The following MDGA2 variants were observed in gnomAD, a reference collection of about 807,000 sequenced individuals.
MDGA2 encodes MAM domain-containing glycosylphosphatidylinositol anchor protein 2.
A neutral mutation model predicts 117.8 loss-of-function variants in MDGA2; 40 were observed. The ratio of observed to expected loss-of-function variants is 0.34; its 90% confidence interval spans 0.26 to 0.44. The LOEUF (loss-of-function observed/expected upper bound fraction) is 0.44, where lower values mean the gene tolerates loss of function less well. MDGA2 is among the 20% of genes least tolerant of loss of function. The pLI is 1.00. For synonymous variants in MDGA2, 452 were observed against 439.0 expected (o/e 1.03, Z -0.37); for missense variants, 1,123 against 1,250.6 (o/e 0.90, Z 1.54).
intron 3 of MDGA2, among the ~76,000 whole-genome samples, chr14:47,173,907 C>T (rs1388858716): frequency 6.6e-6 from 1 of 152,122 alleles, no homozygotes; most frequent in Non-Finnish European, 1.5e-5. Flanking sequence ...AAATCCAGCT[C>T]ATGCGCAGAG....
chr14:47,607,524 GA>G (rs1896763366), intron 1 of MDGA2, among the ~76,000 whole-genome samples: 2 of 152,076 alleles, frequency 1.3e-5, no homozygotes, highest in Admixed American at 6.6e-5. Context: ...TTTAAACTGG[GA>G]AATGGTTCAA....
intron 4 of MDGA2, 31 bp downstream of exon 4, chr14:47,144,047 T>C (rs2139201612): frequency 6.9e-7 from 1 of 1,454,634 alleles, no homozygotes; most frequent in East Asian, 2.5e-5. Flanking sequence ...CCTAGCAGAG[T>C]AGGGTGGAAA....
At chr14:47,359,603 T>G (rs1197331265) in intron 1 of MDGA2, among the ~76,000 whole-genome samples, 1 of 151,452 alleles carries the variant, frequency 6.6e-6, no homozygotes, top group Non-Finnish European at 1.5e-5. Context: ...AAGAATGAAT[T>G]TAAGAACTTT....
intron 1 of MDGA2, among the ~76,000 whole-genome samples, chr14:47,555,092 A>G (rs965581450): frequency 2.7e-4 from 41 of 152,268 alleles, no homozygotes; most frequent in African/African-American, 8.7e-4. Context: ...AACAAGAGAT[A>G]CAATTCCTAT....
intron 1 of MDGA2, among the ~76,000 whole-genome samples, chr14:47,470,608 T>A (rs1000896679): frequency 6.6e-6 from 1 of 152,182 alleles, no homozygotes; most frequent in African/African-American, 2.4e-5. Context: ...TAGAATGATT[T>A]ATAATCCTTT....
intron 9 of MDGA2, among the ~76,000 whole-genome samples, chr14:46,946,278 T>A (rs1326817274): frequency 6.6e-6 from 1 of 152,092 alleles, no homozygotes; most frequent in Non-Finnish European, 1.5e-5. Flanking sequence ...GTGAGCTCAA[T>A]ATGATATAAC....
At chr14:47,573,357 A>G (rs1594924686) in intron 1 of MDGA2, among the ~76,000 whole-genome samples, 1 of 152,208 alleles carries the variant, frequency 6.6e-6, no homozygotes. Flanking sequence ...GCTCTGAAAA[A>G]GTAGCTTGCT....
In MDGA2 at chr14:46,892,996, T is replaced by G. The variant is rs369657396; in HGVS notation, c.2239-10775A>C. Among the ~76,000 whole-genome samples the G allele has an allele frequency of 1.3e-3, 192 of 151,994 alleles. 2 individuals carry two copies. Among genetic ancestry groups the G allele is most frequent in the African/African-American group, 4.4e-3 (184 of 41,520 alleles). On this transcript the variant is annotated intron_variant, in intron 10 of 16. Coordinates refer to ENST00000399232, the MANE Select transcript of MDGA2 (RefSeq NM_001113498.3). ...AACTACCATATGACCCAGAAATCTC[T>G]TTTCTAGATACCTACCCAGAAGAAA...
intron 7 of MDGA2, among the ~76,000 whole-genome samples, chr14:47,060,981 A>T (rs1889861449): frequency 6.6e-6 from 1 of 152,044 alleles, no homozygotes; most frequent in Admixed American, 6.6e-5. Context: ...AAATACTAGT[A>T]TTATTTAACT....
At chr14:46,853,084 A>G (rs1881126670) in intron 15 of MDGA2, among the ~76,000 whole-genome samples, 1 of 152,000 alleles carries the variant, frequency 6.6e-6, no homozygotes, top group Admixed American at 6.6e-5. Context: ...TGGATTTCAT[A>G]TATTCAAAAT....
chr14:47,163,917 C>T (rs1302952872), intron 3 of MDGA2, among the ~76,000 whole-genome samples: 1 of 152,156 alleles, frequency 6.6e-6, no homozygotes, highest in Admixed American at 6.5e-5. Flanking sequence ...TTCAGCACAC[C>T]CTGGCTGCAA....
intron 15 of MDGA2, among the ~76,000 whole-genome samples, chr14:46,853,788 G>C (rs1881155689): frequency 6.6e-6 from 1 of 151,552 alleles, no homozygotes; most frequent in Non-Finnish European, 1.5e-5. Context: ...CAACTTTTTA[G>C]AAAAAAATTG....
chr14:47,229,321 G>C (rs1886610734), intron 2 of MDGA2, among the ~76,000 whole-genome samples: 1 of 152,080 alleles, frequency 6.6e-6, no homozygotes, highest in African/African-American at 2.4e-5. Context: ...TACCTCAAGA[G>C]AGAAGTCATG....
intron 1 of MDGA2, among the ~76,000 whole-genome samples, chr14:47,536,199 G>C (rs1344716110): frequency 6.6e-6 from 1 of 152,140 alleles, no homozygotes; most frequent in African/African-American, 2.4e-5. Flanking sequence ...AAGAATTAGG[G>C]TGGAAAATTC....
chr14:47,311,487 C>T (rs968849393), intron 1 of MDGA2, among the ~76,000 whole-genome samples: 9 of 151,856 alleles, frequency 5.9e-5, no homozygotes, highest in Non-Finnish European at 5.9e-5. Context: ...AGTTTCTTAG[C>T]CTGTCAAAAA....
intron 1 of MDGA2, among the ~76,000 whole-genome samples, chr14:47,495,810 T>A (rs1894270463): frequency 6.6e-6 from 1 of 152,238 alleles, no homozygotes; most frequent in Non-Finnish European, 1.5e-5. Flanking sequence ...TATTTCCAAG[T>A]TGCTTTTCAA....
intron 8 of MDGA2, among the ~76,000 whole-genome samples, chr14:46,984,734 A>G (rs150324763): frequency 2.6e-5 from 4 of 152,154 alleles, no homozygotes; most frequent in Admixed American, 1.3e-4. Context: ...GGAATTGCCA[A>G]TTTGCAAAAG....
chr14:47,541,741 C>A (rs1322131925), intron 1 of MDGA2, among the ~76,000 whole-genome samples: 1 of 152,146 alleles, frequency 6.6e-6, no homozygotes, highest in African/African-American at 2.4e-5. Flanking sequence ...AATTTTCTTA[C>A]AGTGTTTGAG....
At chr14:46,901,337 A>T (rs1172676231) in intron 10 of MDGA2, among the ~76,000 whole-genome samples, 4 of 152,176 alleles carry the variant, frequency 2.6e-5, no homozygotes, top group African/African-American at 9.7e-5. Flanking sequence ...GTATAATAAT[A>T]ATAAAATTAA....
Sources: allele counts gnomAD v4.1 joint callset (sites outside exome capture counted in the v4.1 genomes callset), GRCh38; gene constraint gnomAD v4.1.1; transcripts MANE v1.5; gene names NCBI Gene and HGNC (gene_info 2026-07-23, HGNC 2026-07-21).